PPP2R2C: variants seen among roughly 807,000 people sequenced by gnomAD.
The protein encoded by PPP2R2C is protein phosphatase 2, regulatory subunit B, gamma.
A neutral mutation model predicts 45.3 loss-of-function variants in PPP2R2C; 10 were observed. The observed-to-expected ratio is 0.22, with a 90% CI of 0.14 to 0.37. The LOEUF (loss-of-function observed/expected upper bound fraction) is 0.37. PPP2R2C is among the 10% of genes least tolerant of loss of function. The probability of loss-of-function intolerance (pLI) is 1.00; values close to 1 mark genes in which losing one functional copy is unlikely to be tolerated. For missense variants in PPP2R2C, 308 were observed against 619.7 expected (o/e 0.50, Z 5.34); for synonymous variants, 257 against 245.4 (o/e 1.05, Z -0.44).
rs1732503783 is a variant in PPP2R2C, at chr4:6,332,708, T to C, written c.960+854A>G. On this transcript the variant is annotated intron_variant, in intron 7 of 8. Coordinates refer to ENST00000382599, the MANE Select transcript of PPP2R2C (RefSeq NM_020416.4). The surrounding 1 kb of genome is among the most constrained non-coding windows in gnomAD (Gnocchi z 4.9). ...CGAGTTCCCTTTCCACCAAATAGGA[T>C]GATGGCTCCTTGTCACCGGACAGTA... is the stretch of plus-strand genomic sequence containing the variant. Among the ~76,000 whole-genome samples, 1 of 152,084 alleles carries C rather than the reference T, an allele frequency of 6.6e-6. No homozygotes were observed. The highest frequency in any genetic ancestry group is 6.5e-5 in the Admixed American group (1 of 15,274).
At chr4:6,446,870 G>A (rs773705839) in intron 1 of PPP2R2C, among the ~76,000 whole-genome samples, 1 of 142,190 alleles carries the variant, frequency 7.0e-6, no homozygotes, top group South Asian at 2.3e-4. Flanking sequence ...AAAGCAAAGT[G>A]TCTGCTTGTA....
intron 1 of PPP2R2C, among the ~76,000 whole-genome samples, chr4:6,461,405 A>G (rs1354209953): frequency 1.3e-5 from 2 of 152,146 alleles, no homozygotes. Flanking sequence ...CCAGCCAGGG[A>G]CTACATTTCC....
At chr4:6,379,016 T>C (rs1004502324) in intron 2 of PPP2R2C, among the ~76,000 whole-genome samples, 1 of 147,616 alleles carries the variant, frequency 6.8e-6, no homozygotes, top group Middle Eastern at 3.2e-3. Flanking sequence ...TGCCGAGGCC[T>C]GCCTGACGCC....
At position 6,404,733 on chromosome 4, in the gene PPP2R2C, T is replaced by C. The variant is rs1717678904; in HGVS notation, c.71-23639A>G. The stretch of plus-strand genomic sequence containing the variant: ...AGGTGCCCATGAGGAAGCAGGGGTC[T>C]GCACCAAGCACAAAAGCAGGGAGGC... On this transcript the variant is annotated intron_variant, in intron 1 of 8. Transcript: ENST00000382599. 1.3e-5 allele frequency among the ~76,000 whole-genome samples: 2 copies of C among 152,188 alleles called. 1 individual carries two copies. Among genetic ancestry groups the C allele is most frequent in the South Asian group, 4.1e-4 (2 of 4,832 alleles).
intron 1 of PPP2R2C, among the ~76,000 whole-genome samples, chr4:6,385,805 G>C (rs988385228): frequency 1.3e-5 from 2 of 152,080 alleles, no homozygotes; most frequent in Non-Finnish European, 2.9e-5. Flanking sequence ...GACCTCAAGT[G>C]ATCTGCCCAC....
At chr4:6,500,788 C>G (rs778085711) in intron 2 of PPP2R2C, among the ~76,000 whole-genome samples, 1 of 152,238 alleles carries the variant, frequency 6.6e-6, no homozygotes, top group African/African-American at 2.4e-5. Context: ...TTCAAACACC[C>G]TGAAGCTGGG....
At chr4:6,372,482 C>G (rs1303465402) in intron 5 of PPP2R2C, 41 bp downstream of exon 5, 32 of 1,566,974 alleles carry the variant, frequency 2.0e-5, no homozygotes, top group African/African-American at 2.8e-5. Flanking sequence ...GGAAGCTACT[C>G]TGCCCGTGGG....
chr4:6,488,345 A>G (rs969485398), intron 2 of PPP2R2C, among the ~76,000 whole-genome samples: 1 of 152,168 alleles, frequency 6.6e-6, no homozygotes, highest in African/African-American at 2.4e-5. Flanking sequence ...ATTCCTATAA[A>G]TATTCCTGAG....
intron 1 of PPP2R2C, among the ~76,000 whole-genome samples, chr4:6,410,648 G>C (rs1718106769): frequency 6.6e-6 from 1 of 152,048 alleles, no homozygotes; most frequent in African/African-American, 2.4e-5. Flanking sequence ...GGCTGGACGT[G>C]AAGCAACTGC....
At chr4:6,449,822 G>GGACAGGGT (rs1720641395) in intron 1 of PPP2R2C, among the ~76,000 whole-genome samples, 1 of 152,150 alleles carries the variant, frequency 6.6e-6, no homozygotes. Flanking sequence ...GCCAGGGTAT[G>GGACAGGGT]ATTTCCAGAG....
At chr4:6,406,487 T>C (rs1717801884) in intron 1 of PPP2R2C, among the ~76,000 whole-genome samples, 1 of 152,216 alleles carries the variant, frequency 6.6e-6, no homozygotes, top group Admixed American at 6.5e-5. Flanking sequence ...CCCAGCACTT[T>C]GGGAGCCCAA....
At chr4:6,402,386 T>C (rs1468463853) in intron 1 of PPP2R2C, among the ~76,000 whole-genome samples, 1 of 152,176 alleles carries the variant, frequency 6.6e-6, no homozygotes, top group Non-Finnish European at 1.5e-5. Flanking sequence ...AGGGTGTGCT[T>C]GGCCCTGCCA....
intron 1 of PPP2R2C, among the ~76,000 whole-genome samples, chr4:6,424,456 T>C (rs138661213): frequency 1.3e-5 from 2 of 152,282 alleles, no homozygotes; most frequent in Non-Finnish European, 2.9e-5. Context: ...CACCGGACAC[T>C]GCTGAGCCAT....
At chr4:6,424,114 G>A (rs562730707) in intron 1 of PPP2R2C, among the ~76,000 whole-genome samples, 3 of 152,204 alleles carry the variant, frequency 2.0e-5, no homozygotes, top group East Asian at 1.9e-4. Flanking sequence ...AGGGAAAGCC[G>A]GATTAGGAGG....
In PPP2R2C at chr4:6,378,093, G is replaced by C. The variant is rs537085101; in HGVS notation, c.334+314C>G. ...AAGCAAAGGCCTACAAAGATGGCTC[G>C]GATGGCTCTATTCACAGCAGGGGGC... On this transcript the variant is annotated intron_variant, in intron 3 of 8. Coordinates refer to ENST00000382599, the MANE Select transcript of PPP2R2C (RefSeq NM_020416.4). This position sits in a 1 kb window ranked among gnomAD's most constrained non-coding sequence, Gnocchi z 5.2. Among the ~76,000 whole-genome samples the C allele has an allele frequency of 2.0e-5, 3 of 152,130 alleles. No homozygotes were observed. The highest frequency in any genetic ancestry group is 7.2e-5 in the African/African-American group (3 of 41,514).
chr4:6,508,149 A>T (rs1723298082), intron 2 of PPP2R2C, among the ~76,000 whole-genome samples: 1 of 152,226 alleles, frequency 6.6e-6, no homozygotes, highest in East Asian at 1.9e-4. Context: ...AGTTAGGCAG[A>T]ACTGAGCAGG....
At chr4:6,408,336 C>A (rs11737674) in intron 1 of PPP2R2C, among the ~76,000 whole-genome samples, 3 of 152,030 alleles carry the variant, frequency 2.0e-5, no homozygotes, top group Admixed American at 2.0e-4. Context: ...CCTTCCCTGG[C>A]GCCTAACTAC....
chr4:6,532,198 A>G (rs1361393490), intron 2 of PPP2R2C, among the ~76,000 whole-genome samples: 1 of 152,212 alleles, frequency 6.6e-6, no homozygotes, highest in African/African-American at 2.4e-5. Flanking sequence ...GGCCATGGCA[A>G]GTGCGATCTA....
At chr4:6,420,874 G>T in intron 1 of PPP2R2C, 1 of 925,792 alleles carries the variant, frequency 1.1e-6, no homozygotes, top group Non-Finnish European at 1.3e-6. Flanking sequence ...CACACTTGTT[G>T]GATGTTACTG....
Sources: gnomAD v4.1 joint callset for allele counts (sites outside exome capture counted in the v4.1 genomes callset) on GRCh38, gnomAD v4.1.1 for gene constraint, Gnocchi (gnomAD v3.1) non-coding constraint, MANE v1.5 for transcripts, NCBI Gene and HGNC (gene_info 2026-07-23, HGNC 2026-07-21) for gene names.